The following APP variants were observed in gnomAD, a reference collection of about 807,000 sequenced individuals.
The protein encoded by APP is amyloid-beta precursor protein.
APP carries 31 observed loss-of-function variants against 101.4 expected under a neutral mutation model. The ratio of observed to expected loss-of-function variants is 0.31; its 90% CI spans 0.23 to 0.41. The LOEUF (loss-of-function observed/expected upper bound fraction) is 0.41, where lower values mean the gene tolerates loss of function less well. Among genes scored for constraint, APP ranks in the 10% least tolerant of loss-of-function variants. The pLI is 1.00. For synonymous variants in APP, 366 were observed against 364.4 expected (o/e 1.00, Z -0.05); for missense variants, 839 against 1,003.7 (o/e 0.84, Z 2.22).
intron 11 of APP, 117 bp downstream of exon 11, chr21:25,974,953 T>TAACA (rs879118335): frequency 6.9e-7 from 1 of 1,458,520 alleles, no homozygotes; most frequent in South Asian, 1.2e-5. Flanking sequence ...AACCTCTGAA[T>TAACA]AACAGTGCTC....
intron 3 of APP, among the ~76,000 whole-genome samples, chr21:26,062,193 G>C (rs2046291530): frequency 1.3e-5 from 2 of 150,078 alleles, no homozygotes; most frequent in African/African-American, 2.5e-5. Context: ...ATGGGTGACA[G>C]AGCGAGACTC....
At chr21:26,050,064 T>G (rs1051322069) in intron 5 of APP, among the ~76,000 whole-genome samples, 11 of 152,148 alleles carry the variant, frequency 7.2e-5, no homozygotes, top group African/African-American at 2.4e-4. Flanking sequence ...TCCTTCAGTT[T>G]ATGACTGTGG....
chr21:26,135,962 C>T (rs2062889070), intron 1 of APP, among the ~76,000 whole-genome samples: 1 of 151,146 alleles, frequency 6.6e-6, no homozygotes. Flanking sequence ...TGAAACCCTG[C>T]CTCTACTAAA....
At chr21:26,062,732 T>C (rs970584017) in intron 3 of APP, among the ~76,000 whole-genome samples, 7 of 151,634 alleles carry the variant, frequency 4.6e-5, no homozygotes, top group Non-Finnish European at 1.0e-4. Context: ...AAGATCCATA[T>C]AGGTGTGGGT....
At chr21:26,045,323 T>C (rs2045562603) in intron 5 of APP, among the ~76,000 whole-genome samples, 1 of 152,076 alleles carries the variant, frequency 6.6e-6, no homozygotes, top group African/African-American at 2.4e-5. Flanking sequence ...TAGAGATGTA[T>C]TTGAAATGTA....
intron 13 of APP, among the ~76,000 whole-genome samples, chr21:25,929,252 CTG>C (rs2040036455): frequency 6.6e-6 from 1 of 152,096 alleles, no homozygotes; most frequent in East Asian, 1.9e-4. Context: ...TATGACTTCA[CTG>C]TGAGTCTTCT....
At chr21:25,964,931 A>T (rs2041734173) in intron 11 of APP, among the ~76,000 whole-genome samples, 1 of 151,906 alleles carries the variant, frequency 6.6e-6, no homozygotes, top group Admixed American at 6.6e-5. Context: ...GGTTTCATAA[A>T]TTTTTTCCAG....
intron 5 of APP, among the ~76,000 whole-genome samples, chr21:26,046,021 C>T (rs755655773): frequency 8.6e-5 from 13 of 151,846 alleles, no homozygotes; most frequent in Non-Finnish European, 1.0e-4. Flanking sequence ...GCAGGGGAAC[C>T]CCTCTTTTTA....
chr21:26,105,819 T>C (rs1283915705), intron 2 of APP, among the ~76,000 whole-genome samples: 1 of 152,160 alleles, frequency 6.6e-6, no homozygotes, highest in Non-Finnish European at 1.5e-5. Context: ...ATGCACTCCC[T>C]CACCTCGCCC....
chr21:26,017,617 A>G (rs2044156993), intron 6 of APP, among the ~76,000 whole-genome samples: 1 of 129,362 alleles, frequency 7.7e-6, no homozygotes, highest in Non-Finnish European at 1.6e-5. Context: ...AATGGAACAT[A>G]AGGAAGAAAT....
chr21:25,937,694 A>T (rs2040414873), intron 13 of APP: 1 of 152,232 alleles, frequency 6.6e-6, no homozygotes, highest in Admixed American at 6.5e-5. Context: ...GAAACAGCAA[A>T]TCAAACAGCA....
intron 17 of APP, among the ~76,000 whole-genome samples, chr21:25,886,170 C>T (rs1156625948): frequency 2.7e-5 from 4 of 150,698 alleles, no homozygotes; most frequent in Admixed American, 6.6e-5. Flanking sequence ...CACAAGTCTG[C>T]GGAAAAAAAA....
chr21:25,981,717 T>C (rs1490484240), intron 9 of APP, among the ~76,000 whole-genome samples: 1 of 151,364 alleles, frequency 6.6e-6, no homozygotes, highest in South Asian at 2.1e-4. Flanking sequence ...ACAGGTTTTT[T>C]TTTTTTTTTT....
chr21:25,956,245 G>T (rs1788462241), intron 11 of APP, among the ~76,000 whole-genome samples: 1 of 152,208 alleles, frequency 6.6e-6, no homozygotes, highest in African/African-American at 2.4e-5. Flanking sequence ...TGTAAGCCAA[G>T]GAGTAACTGA....
At chr21:25,901,965 A>G (rs1030645848) in intron 15 of APP, among the ~76,000 whole-genome samples, 3 of 152,190 alleles carry the variant, frequency 2.0e-5, no homozygotes, top group African/African-American at 7.2e-5. Flanking sequence ...GTCAAACTGT[A>G]TAATTAGTCC....
At chr21:25,973,908 C>G (rs45444295) in intron 11 of APP, among the ~76,000 whole-genome samples, 18 of 147,394 alleles carry the variant, frequency 1.2e-4, no homozygotes, top group Non-Finnish European at 1.9e-4. Context: ...CCACTGCACT[C>G]CAGCCTGGGT....
chr21:26,024,518 G>A (rs2044484383), intron 5 of APP, among the ~76,000 whole-genome samples: 1 of 152,158 alleles, frequency 6.6e-6, no homozygotes, highest in Admixed American at 6.6e-5. Context: ...ATGATTCCAT[G>A]ATCTACGACA....
intron 13 of APP, among the ~76,000 whole-genome samples, chr21:25,927,513 C>T (rs915821824): frequency 1.3e-5 from 2 of 152,158 alleles, no homozygotes; most frequent in Admixed American, 6.5e-5. Context: ...TTATCTTGAC[C>T]TCCAGAAAAT....
At chr21:26,038,567 C>G (rs569300409) in intron 5 of APP, among the ~76,000 whole-genome samples, 25 of 152,280 alleles carry the variant, frequency 1.6e-4, no homozygotes, top group African/African-American at 5.8e-4. Context: ...AGTTCGAGAC[C>G]AGTCTGGCCA....
Sources: gnomAD v4.1 joint callset for allele counts (sites outside exome capture counted in the v4.1 genomes callset) on GRCh38, gnomAD v4.1.1 for gene constraint, MANE v1.5 for transcripts, NCBI Gene and HGNC (gene_info 2026-07-23, HGNC 2026-07-21) for gene names.